CDH8: variants seen among roughly 807,000 people sequenced by gnomAD.
The protein encoded by CDH8 is cadherin-8.
In CDH8, 17 loss-of-function variants were observed where a neutral mutation model predicts 68.1. That is an observed-to-expected ratio of 0.25 (90% CI 0.17 to 0.37). CDH8 has a LOEUF of 0.37. CDH8 is among the 10% of genes least tolerant of loss of function. CDH8 has a pLI of 1.00. For synonymous variants in CDH8, 372 were observed against 365.1 expected, an observed-to-expected ratio of 1.02 and a Z score of -0.21; for missense variants, 763 against 999.3, an observed-to-expected ratio of 0.76 and a Z score of 3.19.
intron 7 of CDH8, among the ~76,000 whole-genome samples, chr16:61,813,510 G>A (rs561897467): frequency 1.5e-4 from 23 of 152,170 alleles, no homozygotes; most frequent in Non-Finnish European, 2.5e-4. Context: ...TGCAGATGAG[G>A]GAACTGGCCC....
chr16:61,981,691 CGCGT>C (rs879492300), intron 2 of CDH8, among the ~76,000 whole-genome samples: 211 of 151,896 alleles, frequency 1.4e-3, no homozygotes, highest in Non-Finnish European at 2.4e-3. Context: ...TGCGCGCGCG[CGCGT>C]GCGCTTGGGG....
At chr16:61,698,860 A>G (rs916928370) in intron 10 of CDH8, among the ~76,000 whole-genome samples, 2 of 152,138 alleles carry the variant, frequency 1.3e-5, no homozygotes, top group African/African-American at 4.8e-5. Flanking sequence ...AAAGCACCTT[A>G]GCTGGGTGAT....
intron 7 of CDH8, among the ~76,000 whole-genome samples, chr16:61,810,303 G>C (rs1961910064): frequency 1.3e-5 from 2 of 152,090 alleles, no homozygotes; most frequent in Non-Finnish European, 2.9e-5. Flanking sequence ...CAAGTTTTCA[G>C]CTTTTTGCCT....
chr16:62,016,507 T>G (rs920959257), intron 2 of CDH8, among the ~76,000 whole-genome samples: 5 of 152,202 alleles, frequency 3.3e-5, no homozygotes, highest in Non-Finnish European at 7.3e-5. Flanking sequence ...ATTTTTGTGT[T>G]GTGGCCAGAT....
At chr16:61,723,909 A>G (rs1959266134) in intron 9 of CDH8, among the ~76,000 whole-genome samples, 2 of 150,702 alleles carry the variant, frequency 1.3e-5, no homozygotes, top group African/African-American at 2.4e-5. Context: ...AGACTATATC[A>G]CCACTGAATT....
At chr16:61,842,243 A>T (rs147224347) in intron 4 of CDH8, among the ~76,000 whole-genome samples, 3 of 151,976 alleles carry the variant, frequency 2.0e-5, no homozygotes, top group African/African-American at 7.3e-5. Flanking sequence ...CTCCCTCTTC[A>T]ACTCATGTTG....
intron 10 of CDH8, among the ~76,000 whole-genome samples, chr16:61,704,900 A>G (rs957537820): frequency 2.0e-5 from 3 of 152,174 alleles, no homozygotes; most frequent in Non-Finnish European, 2.9e-5. Context: ...GGAACTAGCA[A>G]TGACTGTCTG....
intron 10 of CDH8, among the ~76,000 whole-genome samples, chr16:61,680,173 C>A (rs995887470): frequency 1.3e-5 from 2 of 152,072 alleles, no homozygotes; most frequent in South Asian, 4.1e-4. Flanking sequence ...TAAACTTGGG[C>A]AAACATACAT....
rs1484929855 is a variant in CDH8, at chr16:62,008,455, C to G, written c.252+12697G>C. ...GCTTTTTTTTGCTTGTGTCTTTCCT[C>G]CAACTGGTGGGATGGAAGAAACTAT... On this transcript the variant is annotated intron_variant, in intron 2 of 11. Coordinates refer to ENST00000577390, the MANE Select transcript of CDH8 (RefSeq NM_001796.5). Among the ~76,000 whole-genome samples, 3 of 151,706 alleles carry G rather than the reference C, an allele frequency of 2.0e-5. No individual in the cohort carries two copies. The South Asian group carries it at 6.3e-4, about 32-fold the overall frequency.
intron 1 of CDH8, among the ~76,000 whole-genome samples, chr16:62,027,065 C>T (rs181520980): frequency 1.2e-3 from 186 of 152,266 alleles, no homozygotes; most frequent in African/African-American, 4.2e-3. Flanking sequence ...GTGTGTCTGA[C>T]AAAGCAATCT....
intron 7 of CDH8, among the ~76,000 whole-genome samples, chr16:61,792,713 T>C (rs1435611157): frequency 9.9e-5 from 15 of 151,962 alleles, no homozygotes; most frequent in Non-Finnish European, 1.6e-4. Flanking sequence ...ACCAAACACA[T>C]AAAGGGCTTA....
Position 61,755,865 on chromosome 16 carries a change from G to A in CDH8, c.1415-28650C>T, listed in dbSNP as rs1799071459. On this transcript the variant is annotated intron_variant, in intron 8 of 11. Transcript: ENST00000577390. ...GTCTCGCGTCTCGCTCTGTCGCCCA[G>A]GCTGGAGTGCAATGGTTCAATCTAA... Among the ~76,000 whole-genome samples the A allele has an allele frequency of 2.0e-5, 3 of 151,550 alleles. No homozygotes were observed. In the South Asian group the frequency reaches 6.2e-4, roughly 32 times the overall value.
At chr16:61,775,534 G>C (rs1450980961) in intron 8 of CDH8, among the ~76,000 whole-genome samples, 1 of 152,046 alleles carries the variant, frequency 6.6e-6, no homozygotes, top group Non-Finnish European at 1.5e-5. Flanking sequence ...TCTTGATCAT[G>C]TGGCTTGTTT....
chr16:61,918,040 C>T (rs1239931071), intron 2 of CDH8, among the ~76,000 whole-genome samples: 2 of 143,822 alleles, frequency 1.4e-5, no homozygotes, highest in Admixed American at 7.0e-5. Context: ...CAACTGCTGC[C>T]ACCTTAGTAC....
intron 2 of CDH8, among the ~76,000 whole-genome samples, chr16:61,950,337 A>G (rs1214135263): frequency 6.6e-6 from 1 of 152,316 alleles, no homozygotes; most frequent in Non-Finnish European, 1.5e-5. Context: ...CATAAGAAAG[A>G]CAACTTCAGG....
chr16:61,916,070 A>T (rs1369144837), intron 2 of CDH8, among the ~76,000 whole-genome samples: 1 of 152,246 alleles, frequency 6.6e-6, no homozygotes, highest in Non-Finnish European at 1.5e-5. Flanking sequence ...GCACTGATTC[A>T]GTACATAACA....
At chr16:62,033,831 G>A (rs939321699) in intron 1 of CDH8, among the ~76,000 whole-genome samples, 1 of 150,840 alleles carries the variant, frequency 6.6e-6, no homozygotes, top group South Asian at 2.1e-4. Flanking sequence ...GTTTTCAGAG[G>A]GATTTTCCTC....
intron 11 of CDH8, among the ~76,000 whole-genome samples, chr16:61,654,803 T>C (rs1356801190): frequency 1.3e-5 from 2 of 152,174 alleles, no homozygotes; most frequent in African/African-American, 2.4e-5. Context: ...AGACAGTAAC[T>C]GATACCGTCT....
chr16:61,903,288 C>A (rs1428491151), intron 2 of CDH8, among the ~76,000 whole-genome samples: 1 of 152,126 alleles, frequency 6.6e-6, no homozygotes, highest in African/African-American at 2.4e-5. Flanking sequence ...AGAGAAGTAA[C>A]TAATGATAAA....
Sources: allele counts gnomAD v4.1 joint callset (sites outside exome capture counted in the v4.1 genomes callset), GRCh38; gene constraint gnomAD v4.1.1; transcripts MANE v1.5; gene names NCBI Gene and HGNC (gene_info 2026-07-23, HGNC 2026-07-21).